Variants in SV2C observed in about 807,000 individuals in gnomAD.
SV2C encodes the protein solute carrier family 22 member B3.
A neutral mutation model predicts 79.7 loss-of-function variants in SV2C; 49 were observed. The ratio of observed to expected loss-of-function variants is 0.61; its 90% CI spans 0.49 to 0.78. The LOEUF is 0.78. Ranked by LOEUF, SV2C falls within the 30% of genes least tolerant of loss-of-function variation. The pLI, the probability that SV2C is intolerant of heterozygous loss-of-function variation, is 0.00. For synonymous variants in SV2C, 334 were observed against 333.2 expected (o/e 1.00, Z -0.03); for missense variants, 833 against 912.9 (o/e 0.91, Z 1.13).
At chr5:76,000,625 C>A in the SV2C span, among the ~76,000 whole-genome samples, 1 of 152,122 alleles carries the variant, frequency 6.6e-6, no homozygotes, top group African/African-American at 2.4e-5. Flanking sequence ...CTATGAACAC[C>A]AATTAGCACT....
At position 76,164,820 on chromosome 5, in the gene SV2C, C is replaced by T. The variant is rs547871139; in HGVS notation, c.581-30099C>T. Among the ~76,000 whole-genome samples, 3 of 151,226 alleles carry T rather than the reference C, an allele frequency of 2.0e-5. No individual in the cohort carries two copies. The East Asian group carries it at 5.9e-4, about 30-fold the overall frequency. ...TGGGACACTGGTTCCAGGACCTCTA[C>T]AGATATCAAAATCCACAGATGCTCA... On this transcript the variant is annotated intron_variant, in intron 2 of 12. Transcript: ENST00000502798.
chr5:76,201,056 A>G (rs1163166598), intron 3 of SV2C, among the ~76,000 whole-genome samples: 1 of 152,214 alleles, frequency 6.6e-6, no homozygotes, highest in Non-Finnish European at 1.5e-5. Flanking sequence ...AGAAACACAA[A>G]TATGTCCAGC....
intron 4 of SV2C, among the ~76,000 whole-genome samples, chr5:76,279,518 CA>C (rs1747118824): frequency 6.6e-6 from 1 of 152,072 alleles, no homozygotes; most frequent in South Asian, 2.1e-4. Context: ...ATAAGTTTTA[CA>C]AAAAACAGTG....
At chr5:76,263,588 G>T (rs1165082958) in intron 4 of SV2C, among the ~76,000 whole-genome samples, 2 of 152,104 alleles carry the variant, frequency 1.3e-5, no homozygotes, top group African/African-American at 4.8e-5. Context: ...GTATGTTGTT[G>T]CAGTGGCTGG....
At chr5:76,109,608 G>A (rs985481828) in intron 1 of SV2C, among the ~76,000 whole-genome samples, 3 of 152,122 alleles carry the variant, frequency 2.0e-5, no homozygotes, top group African/African-American at 7.2e-5. Flanking sequence ...CATTGGGGTG[G>A]GCACTAATAT....
At chr5:76,103,469 C>T (rs772846717) in intron 1 of SV2C, among the ~76,000 whole-genome samples, 8 of 152,074 alleles carry the variant, frequency 5.3e-5, no homozygotes, top group Non-Finnish European at 1.2e-4. Flanking sequence ...GCAAAGAAAC[C>T]CAAAATTCTC....
At chr5:75,989,050 A>C in the SV2C span, among the ~76,000 whole-genome samples, 6 of 151,948 alleles carry the variant, frequency 3.9e-5, no homozygotes, top group African/African-American at 1.4e-4. Flanking sequence ...ATACTACATA[A>C]GTGGAGTTCT....
the SV2C span, among the ~76,000 whole-genome samples, chr5:76,048,997 A>AAG: frequency 2.0e-4 from 20 of 100,184 alleles, no homozygotes; most frequent in African/African-American, 6.5e-4. Context: ...GAAAGAAAGA[A>AAG]AGAAAGAAAG....
At chr5:75,973,729 CTT>C in the SV2C span, among the ~76,000 whole-genome samples, 1,097 of 152,022 alleles carry the variant, frequency 7.2e-3, 23 homozygotes, top group African/African-American at 0.023. Flanking sequence ...TGTTCTTTCT[CTT>C]TATCTGCACT....
At chr5:76,146,801 A>T (rs1269340568) in intron 2 of SV2C, among the ~76,000 whole-genome samples, 1 of 144,212 alleles carries the variant, frequency 6.9e-6, no homozygotes, top group African/African-American at 2.5e-5. Flanking sequence ...TTTTTTTAAA[A>T]AAAAAAAAAA....
chr5:76,135,148 G>A (rs368603665), intron 2 of SV2C, among the ~76,000 whole-genome samples: 5 of 152,204 alleles, frequency 3.3e-5, no homozygotes, highest in East Asian at 1.9e-4. Context: ...GATTAGCTTC[G>A]AGTGGGGAGG....
chr5:75,851,794 C>T, the SV2C span, among the ~76,000 whole-genome samples: 2 of 152,198 alleles, frequency 1.3e-5, no homozygotes, highest in Admixed American at 6.5e-5. Flanking sequence ...GGACTACAGG[C>T]GCATGGCGCC....
the SV2C span, among the ~76,000 whole-genome samples, chr5:75,970,371 C>A: frequency 1.3e-5 from 2 of 151,982 alleles, no homozygotes; most frequent in Non-Finnish European, 1.5e-5. Flanking sequence ...TTCAAAAAAT[C>A]AATGAATCCA....
the SV2C span, among the ~76,000 whole-genome samples, chr5:75,954,635 C>G: frequency 6.7e-6 from 1 of 149,706 alleles, no homozygotes; most frequent in Non-Finnish European, 1.5e-5. Context: ...GATTGTATAT[C>G]TAGAAAACCC....
chr5:76,044,617 A>G, the SV2C span, among the ~76,000 whole-genome samples: 2 of 152,192 alleles, frequency 1.3e-5, no homozygotes, highest in African/African-American at 4.8e-5. Context: ...CTGATGTGAG[A>G]TGGTATCTCC....
intron 2 of SV2C, among the ~76,000 whole-genome samples, chr5:76,148,300 A>C (rs1404364207): frequency 6.6e-6 from 1 of 152,196 alleles, no homozygotes; most frequent in Non-Finnish European, 1.5e-5. Context: ...AGTAGGCTTA[A>C]ATTATTTTTA....
intron 4 of SV2C, among the ~76,000 whole-genome samples, chr5:76,265,350 A>G (rs1395696121): frequency 6.6e-6 from 1 of 152,170 alleles, no homozygotes; most frequent in African/African-American, 2.4e-5. Context: ...CTGTGCTGGC[A>G]GTGAGAATTT....
At chr5:76,200,376 A>G (rs1230685845) in intron 3 of SV2C, among the ~76,000 whole-genome samples, 1 of 152,222 alleles carries the variant, frequency 6.6e-6, no homozygotes, top group Non-Finnish European at 1.5e-5. Context: ...CAAACTTTTC[A>G]TTTTGCAGAT....
chr5:75,983,598 TAA>T, the SV2C span, among the ~76,000 whole-genome samples: 733 of 144,140 alleles, frequency 5.1e-3, 2 homozygotes, highest in Non-Finnish European at 5.6e-3. Context: ...GGGCCAGCTT[TAA>T]AAAAAAAAAA....
Sources: gnomAD v4.1 joint callset for allele counts (sites outside exome capture counted in the v4.1 genomes callset) on GRCh38, gnomAD v4.1.1 for gene constraint, MANE v1.5 for transcripts, NCBI Gene and HGNC (gene_info 2026-07-23, HGNC 2026-07-21) for gene names.